Variants in EDA observed in about 807,000 individuals in gnomAD.
EDA encodes the protein ectodysplasin A.
In EDA, 2 loss-of-function variants were observed where a neutral mutation model predicts 23.6. The ratio of observed to expected loss-of-function variants is 0.08; its 90% CI spans 0.03 to 0.27. EDA has a LOEUF of 0.27. Among genes scored for constraint, EDA ranks in the 10% least tolerant of loss-of-function variants. The pLI is 1.00. For missense variants in EDA, 229 were observed against 324.2 expected (o/e 0.71, Z 2.26); for synonymous variants, 131 against 132.0 (o/e 0.99, Z 0.05).
rs187754454 is a variant in EDA, at chrX:69,808,262, G to A, written c.397-148765G>A. ...TTGTATTCATCTATTACTGGGAAAG[G>A]ATACAAATTACAACTAGCCAAAAGA... On this transcript the variant is annotated intron_variant, in intron 1 of 7. Transcript: ENST00000374552. Among the ~76,000 whole-genome samples the A allele has an allele frequency of 3.0e-3, 331 of 111,063 alleles. 1 individual carries two copies. Among genetic ancestry groups the A allele is most frequent in the Non-Finnish European group, 5.2e-3 (276 of 52,955 alleles).
intron 2 of EDA, among the ~76,000 whole-genome samples, chrX:69,981,356 A>G (rs2019405197): frequency 8.9e-6 from 1 of 111,839 alleles, no homozygotes; most frequent in Non-Finnish European, 1.9e-5. Flanking sequence ...ATTGAGCAGG[A>G]AATGTTTAGT....
chrX:69,759,283 CTT>C (rs2014225711), intron 1 of EDA, among the ~76,000 whole-genome samples: 1 of 111,959 alleles, frequency 8.9e-6, no homozygotes, highest in Admixed American at 9.5e-5. Context: ...AGGAAAATGG[CTT>C]TGTGTTTTAC....
chrX:69,945,186 A>T (rs1457041805), intron 1 of EDA, among the ~76,000 whole-genome samples: 5 of 111,735 alleles, frequency 4.5e-5, no homozygotes, highest in Admixed American at 2.8e-4. Context: ...TTCTGTATGG[A>T]TATTTGTTCA....
intron 1 of EDA, among the ~76,000 whole-genome samples, chrX:69,927,044 G>A (rs2018529377): frequency 9.0e-6 from 1 of 111,274 alleles, no homozygotes; most frequent in Admixed American, 9.6e-5. Flanking sequence ...GTCTATGTGT[G>A]TCTTTGCACA....
At chrX:69,658,682 T>C (rs1370571478) in intron 1 of EDA, among the ~76,000 whole-genome samples, 1 of 111,684 alleles carries the variant, frequency 9.0e-6, no homozygotes, top group East Asian at 2.8e-4. Context: ...CAAAGTACTT[T>C]TGCATGCCTT....
intron 1 of EDA, among the ~76,000 whole-genome samples, chrX:69,708,338 G>A (rs895844522): frequency 2.5e-4 from 28 of 111,556 alleles, no homozygotes; most frequent in African/African-American, 9.1e-4. Flanking sequence ...GCAGTTGACC[G>A]AAGCTTGGCT....
intron 1 of EDA, among the ~76,000 whole-genome samples, chrX:69,821,798 GT>G (rs1451572281): frequency 1.8e-5 from 2 of 111,909 alleles, no homozygotes; most frequent in African/African-American, 3.2e-5. Context: ...ATGTTTTTCA[GT>G]TTTTTTAAAT....
At chrX:70,009,360 T>C (rs1302010358) in intron 2 of EDA, among the ~76,000 whole-genome samples, 1 of 112,170 alleles carries the variant, frequency 8.9e-6, no homozygotes, top group Admixed American at 9.5e-5. Context: ...GAAGCTTAGA[T>C]ATTGATTTTA....
chrX:69,860,890 C>T (rs2017369465), intron 1 of EDA: 1 of 525,216 alleles, frequency 1.9e-6, no homozygotes, highest in Non-Finnish European at 3.5e-6. Flanking sequence ...CCTCTGTCCA[C>T]TCTCAGCACC....
intron 1 of EDA, among the ~76,000 whole-genome samples, chrX:69,843,268 A>G (rs980703961): frequency 8.9e-6 from 1 of 111,974 alleles, no homozygotes; most frequent in African/African-American, 3.2e-5. Context: ...GAGGTTTATA[A>G]CATTATGTTA....
intron 1 of EDA, among the ~76,000 whole-genome samples, chrX:69,890,366 G>GA (rs1602512883): frequency 3.7e-5 from 4 of 107,875 alleles, no homozygotes. Context: ...CACAGAATTA[G>GA]AAAAAACTAT....
chrX:69,875,829 A>G (rs1362933493), intron 1 of EDA, among the ~76,000 whole-genome samples: 2 of 111,820 alleles, frequency 1.8e-5, no homozygotes, highest in Non-Finnish European at 3.8e-5. Context: ...TAGGCTAAGG[A>G]CATGAATAGA....
intron 1 of EDA, among the ~76,000 whole-genome samples, chrX:69,938,976 C>T (rs1358120855): frequency 9.0e-6 from 1 of 111,636 alleles, no homozygotes; most frequent in African/African-American, 3.3e-5. Context: ...AATGCTAGTA[C>T]CATGCTGTTT....
chrX:69,853,849 T>TTTTG (rs758443979), intron 1 of EDA, among the ~76,000 whole-genome samples: 8 of 112,307 alleles, frequency 7.1e-5, no homozygotes, highest in African/African-American at 9.7e-5. Flanking sequence ...TCTGTTTGTT[T>TTTTG]TTTGTTTGTT....
chrX:69,959,823 G>A (rs1279515171), intron 2 of EDA, among the ~76,000 whole-genome samples: 1 of 111,811 alleles, frequency 8.9e-6, no homozygotes, highest in Admixed American at 9.6e-5. Flanking sequence ...CATTTGGGAA[G>A]AGACCTGAAT....
At chrX:69,852,108 G>A (rs2017149806) in intron 1 of EDA, among the ~76,000 whole-genome samples, 1 of 111,820 alleles carries the variant, frequency 8.9e-6, no homozygotes, top group African/African-American at 3.3e-5. Context: ...CTTCACGGAG[G>A]GTAGGAAGTT....
At chrX:69,650,746 GC>G (rs775665327) in intron 1 of EDA, among the ~76,000 whole-genome samples, 1 of 111,308 alleles carries the variant, frequency 9.0e-6, no homozygotes, top group South Asian at 3.8e-4. Flanking sequence ...AAACCAAAGG[GC>G]TATGAAGAGT....
intron 1 of EDA, among the ~76,000 whole-genome samples, chrX:69,785,708 A>G (rs2015138425): frequency 9.3e-6 from 1 of 107,280 alleles, no homozygotes; most frequent in Non-Finnish European, 2.0e-5. Flanking sequence ...TATTTTATTG[A>G]GGATTTTTGC....
At chrX:69,715,939 T>C (rs2012312088) in intron 1 of EDA, among the ~76,000 whole-genome samples, 1 of 111,932 alleles carries the variant, frequency 8.9e-6, no homozygotes, top group Admixed American at 9.5e-5. Flanking sequence ...TGTTTTCTTG[T>C]AGATTTCAGT....
Sources: allele counts gnomAD v4.1 joint callset (sites outside exome capture counted in the v4.1 genomes callset), GRCh38; gene constraint gnomAD v4.1.1; transcripts MANE v1.5; gene names NCBI Gene and HGNC (gene_info 2026-07-23, HGNC 2026-07-21).